Variants in KYAT3 observed in about 807,000 individuals in gnomAD.
KYAT3 encodes the protein kynurenine--oxoglutarate transaminase 3.
In KYAT3, 50 loss-of-function variants were observed where a neutral mutation model predicts 59.0. The observed-to-expected ratio is 0.85, with a 90% CI of 0.68 to 1.07. KYAT3 has a LOEUF of 1.07. Ranked by LOEUF, KYAT3 falls within the 50% of genes least tolerant of loss-of-function variation. KYAT3 has a pLI of 0.00. For synonymous variants in KYAT3, 148 were observed against 177.0 expected (o/e 0.84, Z 1.30); for missense variants, 497 against 533.3 (o/e 0.93, Z 0.67).
intron 2 of KYAT3, among the ~76,000 whole-genome samples, chr1:88,974,285 T>C (rs1676673476): frequency 6.6e-6 from 1 of 152,166 alleles, no homozygotes; most frequent in East Asian, 1.9e-4. Flanking sequence ...TATTTTTAAT[T>C]GTCTCTTAAC....
chr1:88,977,248 T>C (rs1676828167), intron 2 of KYAT3, among the ~76,000 whole-genome samples: 1 of 151,234 alleles, frequency 6.6e-6, no homozygotes, highest in Non-Finnish European at 1.5e-5. Context: ...GTTGCCCAGG[T>C]TGGAATGCAA....
chr1:88,957,831 C>T (rs1272905542), intron 8 of KYAT3, among the ~76,000 whole-genome samples: 3 of 152,124 alleles, frequency 2.0e-5, no homozygotes, highest in African/African-American at 7.2e-5. Flanking sequence ...AGTAATTGTT[C>T]ATGTTAATCT....
chr1:88,942,752 C>T (rs891199731), intron 13 of KYAT3, among the ~76,000 whole-genome samples: 3 of 151,928 alleles, frequency 2.0e-5, no homozygotes, highest in East Asian at 1.9e-4. Context: ...TTAGTAGAGA[C>T]GGGGTTTCAC....
Position 88,978,516 on chromosome 1 carries a change from G to T in KYAT3, c.100-9049C>A, listed in dbSNP as rs545516893. Among the ~76,000 whole-genome samples the T allele has an allele frequency of 5.3e-5, 8 of 151,980 alleles. No individual in the cohort carries two copies. The South Asian group carries it at 1.7e-3, about 32-fold the overall frequency. ...ATGCCTGGTTAACTTTAATTTTTTT[G>T]AGACAGAGTCTTGCTCTGTTGCTCA... On this transcript the variant is annotated intron_variant, in intron 2 of 13. Transcript: ENST00000260508.
the KYAT3 span, among the ~76,000 whole-genome samples, chr1:88,928,190 A>C: frequency 6.6e-6 from 1 of 151,916 alleles, no homozygotes; most frequent in Admixed American, 6.6e-5. Flanking sequence ...GAGGAAGCAT[A>C]CCTCCCTGTC....
chr1:88,946,969 T>C (rs759098147), intron 11 of KYAT3, among the ~76,000 whole-genome samples: 1 of 152,202 alleles, frequency 6.6e-6, no homozygotes, highest in African/African-American at 2.4e-5. Context: ...TGAATATAAG[T>C]TGGTCTTTCT....
downstream of KYAT3, among the ~76,000 whole-genome samples, chr1:88,931,014 T>C (rs1674895878): frequency 6.6e-6 from 1 of 151,904 alleles, no homozygotes; most frequent in Non-Finnish European, 1.5e-5. Flanking sequence ...GAAGAAGAAA[T>C]AGAATGGGGA....
intron 4 of KYAT3, 37 bp from the exon 5 acceptor site, chr1:88,965,015 A>G: frequency 6.5e-7 from 1 of 1,539,852 alleles, no homozygotes; most frequent in Non-Finnish European, 8.8e-7. Context: ...CCTTGAATTT[A>G]AATATGGGAC....
intron 11 of KYAT3, among the ~76,000 whole-genome samples, chr1:88,948,103 A>AACAAT (rs1430597494): frequency 7.1e-4 from 107 of 150,380 alleles, no homozygotes; most frequent in African/African-American, 2.3e-3. Context: ...AACAAAACAA[A>AACAAT]ACAAAACAAA....
intron 2 of KYAT3, among the ~76,000 whole-genome samples, chr1:88,973,843 T>G (rs1196126737): frequency 4.6e-5 from 7 of 152,310 alleles, no homozygotes; most frequent in African/African-American, 1.4e-4. Flanking sequence ...TCCATCAAAG[T>G]TTCAATTGTA....
At chr1:88,961,354 C>T (rs1557691808) in intron 7 of KYAT3, 27 bp downstream of exon 7, 1 of 1,613,614 alleles carries the variant, frequency 6.2e-7, no homozygotes, top group African/African-American at 1.3e-5. Context: ...GGTCAGAAGA[C>T]TGTATAAGGA....
In KYAT3 at chr1:88,983,278, T is replaced by C. The variant is rs748359347; in HGVS notation, c.99+4974A>G. The C allele has an allele frequency of 9.9e-6, 16 of 1,613,704 alleles. No homozygotes were observed. In the South Asian group the frequency reaches 1.8e-4, roughly 18 times the overall value. Reference sequence around the variant, plus strand: ...CTCCATAACTATCTCTTCCACGTGATAGAGGAGCTCTTCCTCCCATTCCAC... The same window carrying C: ...CTCCATAACTATCTCTTCCACGTGACAGAGGAGCTCTTCCTCCCATTCCAC... On this transcript the variant is annotated intron_variant, in intron 2 of 13. Transcript: ENST00000260508.
chr1:88,937,149 G>A (rs1330178203), intron 13 of KYAT3, among the ~76,000 whole-genome samples: 3 of 152,214 alleles, frequency 2.0e-5, no homozygotes, highest in Non-Finnish European at 4.4e-5. Flanking sequence ...CAGTGCCCAA[G>A]AGGGGCAAGG....
At chr1:88,922,810 T>C in the KYAT3 span, among the ~76,000 whole-genome samples, 1 of 152,226 alleles carries the variant, frequency 6.6e-6, no homozygotes, top group Non-Finnish European at 1.5e-5. Context: ...TCAAATTGGC[T>C]TAAGACATTT....
rs748634246 is a variant in KYAT3, at chr1:88,961,494, C to T, written c.553G>A (p.Gly185Arg). The T allele has an allele frequency of 1.9e-6, 3 of 1,611,020 alleles. No homozygotes were observed. In the South Asian group the frequency reaches 3.3e-5, roughly 18 times the overall value. Residue 185 changes from glycine (G) to arginine (R), a missense_variant, in exon 7 of 14, where the codon GGA becomes AGA. Gly to Arg is a moderately radical substitution (Grantham distance 125, BLOSUM62 -2). Coordinates refer to ENST00000260508, the MANE Select transcript of KYAT3 (RefSeq NM_001008661.3). ...FIPLRSKPVYGKRWSSSDWTL... is the reference protein window; with the variant it reads ...FIPLRSKPVYRKRWSSSDWTL... ...CAGTCAGAACTAGACCATCTTTTTC[C>T]ATAAACAGGTTTCTAAGCATGAAGA...
At chr1:88,933,475 GGGA>G (rs1433525313), downstream of KYAT3, among the ~76,000 whole-genome samples, 1 of 151,880 alleles carries the variant, frequency 6.6e-6, no homozygotes, top group Non-Finnish European at 1.5e-5. Context: ...AAGGAAGGGA[GGGA>G]GGAGGAGGAG....
chr1:88,979,618 C>G (rs879064086), intron 2 of KYAT3: 2 of 152,044 alleles, frequency 1.3e-5, no homozygotes, highest in Admixed American at 6.6e-5. Flanking sequence ...ATTAGTCACC[C>G]GGGGAAATGA....
At chr1:88,935,464 C>T (rs1675000489), downstream of KYAT3, among the ~76,000 whole-genome samples, 1 of 151,984 alleles carries the variant, frequency 6.6e-6, no homozygotes, top group South Asian at 2.1e-4. Context: ...AATTTGTGAT[C>T]TCAAAAGGTG....
chr1:88,965,002 A>G, intron 4 of KYAT3, 24 bp from the exon 5 acceptor site: 1 of 1,576,958 alleles, frequency 6.3e-7, no homozygotes, highest in Non-Finnish European at 8.6e-7. Flanking sequence ...AATAAGAACA[A>G]AACCTTGAAT....
Sources: gnomAD v4.1 joint callset for allele counts (sites outside exome capture counted in the v4.1 genomes callset) on GRCh38, gnomAD v4.1.1 for gene constraint, MANE v1.5 for transcripts, NCBI Gene and HGNC (gene_info 2026-07-23, HGNC 2026-07-21) for gene names.